EPHA5: variants seen among roughly 807,000 people sequenced by gnomAD.
EPHA5 encodes ephrin type-A receptor 5.
Under a neutral mutation model 105.0 loss-of-function variants are expected in EPHA5, and 60 were observed. That is an observed-to-expected ratio of 0.57 (90% CI 0.46 to 0.71). The LOEUF (loss-of-function observed/expected upper bound fraction) is 0.71. Among genes scored for constraint, EPHA5 ranks in the 30% least tolerant of loss-of-function variants. The pLI, the probability that EPHA5 is intolerant of heterozygous loss-of-function variation, is 0.00. For synonymous variants in EPHA5, 513 were observed against 449.1 expected (o/e 1.14, Z -1.80); for missense variants, 1,218 against 1,274.7 (o/e 0.96, Z 0.68).
chr4:65,417,656 A>G (rs10028151), intron 6 of EPHA5, among the ~76,000 whole-genome samples: 1,736 of 152,170 alleles, frequency 0.011, 29 homozygotes, highest in African/African-American at 0.039. Flanking sequence ...AGATCATATA[A>G]TGGAATATAC....
rs1409621963 is a variant in EPHA5 at position 65,670,225 on chromosome 4, G to T, written c.-483C>A. ...AGGGTGGCTAAGGATAAAGAAAGAG[G>T]ACTTGAGAAAATGTGGAGAATGAAA... On this transcript the variant is annotated 5_prime_UTR_variant, in exon 1 of 17. Coordinates refer to ENST00000613740, the MANE Select transcript of EPHA5 (RefSeq NM_001281766.3). 1 of 235,800 alleles carries T rather than the reference G, an allele frequency of 4.2e-6. No homozygotes were observed. The highest frequency in any genetic ancestry group is 8.3e-6 in the Non-Finnish European group (1 of 120,028). The allele number at this position is 235,800 out of a possible 1,614,324, so 14.6% of individuals were successfully genotyped here. A position where few individuals can be genotyped will look rare whatever the true frequency, so the allele number is the denominator to read the frequency against.
chr4:65,329,404 C>A (rs1660530832), intron 16 of EPHA5, among the ~76,000 whole-genome samples: 1 of 151,276 alleles, frequency 6.6e-6, no homozygotes, highest in Admixed American at 6.6e-5. Flanking sequence ...TGAAGTTAAA[C>A]CTTTGTGATG....
intron 3 of EPHA5, among the ~76,000 whole-genome samples, chr4:65,552,650 T>C (rs1336988768): frequency 1.3e-5 from 2 of 152,150 alleles, no homozygotes; most frequent in African/African-American, 4.8e-5. Flanking sequence ...AAGACATAAA[T>C]ACTTGTGAAT....
At chr4:65,335,143 G>T (rs1249748176) in intron 15 of EPHA5, among the ~76,000 whole-genome samples, 1 of 151,914 alleles carries the variant, frequency 6.6e-6, no homozygotes, top group Non-Finnish European at 1.5e-5. Flanking sequence ...AGCCAATTTA[G>T]TTATTAACAT....
chr4:65,335,952 C>T lies in EPHA5; in HGVS notation c.2769G>A (p.Thr923=), dbSNP rs1235273760. 10 of 1,611,100 alleles carry T rather than the reference C, an allele frequency of 6.2e-6. No homozygotes were observed. The highest frequency in any genetic ancestry group is 4.4e-5 in the South Asian group (4 of 90,794). ...KLIRNPSSLK[T]LVNASCRVSN... ...TGTACCTGCAGGATGCATTAACCAG[C>T]GTCTTCAGACTACTTGGGTTACGTA... Residue 923 remains threonine, a synonymous_variant, in exon 15 of 17, where the codon ACG becomes ACA. Coordinates refer to ENST00000613740, the MANE Select transcript of EPHA5 (RefSeq NM_001281766.3).
intron 2 of EPHA5, among the ~76,000 whole-genome samples, chr4:65,614,713 G>A (rs1469493248): frequency 6.6e-6 from 1 of 151,818 alleles, no homozygotes; most frequent in Non-Finnish European, 1.5e-5. Flanking sequence ...GTGATATAAA[G>A]GCAATAGGGA....
chr4:65,411,311 G>C (rs1175133284), intron 7 of EPHA5, among the ~76,000 whole-genome samples: 1 of 151,864 alleles, frequency 6.6e-6, no homozygotes, highest in Admixed American at 6.6e-5. Flanking sequence ...ACAAGATAAT[G>C]TCAATGAAAA....
intron 6 of EPHA5, among the ~76,000 whole-genome samples, chr4:65,419,902 G>C (rs1723777222): frequency 6.6e-6 from 1 of 152,048 alleles, no homozygotes; most frequent in African/African-American, 2.4e-5. Context: ...AGAGAACAAG[G>C]GGAAATCAAG....
chr4:65,411,180 G>T (rs1722873517), intron 7 of EPHA5, among the ~76,000 whole-genome samples: 1 of 151,884 alleles, frequency 6.6e-6, no homozygotes, highest in South Asian at 2.1e-4. Context: ...CATGGCAGAG[G>T]AAGAATAATT....
At chr4:65,444,868 C>G (rs573682094) in intron 5 of EPHA5, among the ~76,000 whole-genome samples, 2 of 151,970 alleles carry the variant, frequency 1.3e-5, no homozygotes, top group East Asian at 3.9e-4. Context: ...TATCCCTAGT[C>G]TTTTCCTCAT....
At position 65,379,255 on chromosome 4, in the gene EPHA5, T is replaced by C. The variant is rs556268494; in HGVS notation, c.1794-11831A>G. ...TCTTAATTAAAAAATAAGCTTTGTG[T>C]CTTATGAATAAGTATGCACATACAC... is the stretch of plus-strand genomic sequence containing the variant. On this transcript the variant is annotated intron_variant, in intron 8 of 16. Transcript: ENST00000613740. 5.8e-4 allele frequency among the ~76,000 whole-genome samples: 81 copies of C among 140,358 alleles called. No individual in the cohort carries two copies. In the South Asian group the frequency reaches 9.1e-3, roughly 16 times the overall value. 92.1% of individuals were successfully genotyped at this position (140,358 alleles called of 152,430 possible). A position where few individuals can be genotyped will look rare whatever the true frequency, so the allele number is the denominator to read the frequency against.
intron 8 of EPHA5, among the ~76,000 whole-genome samples, chr4:65,386,858 A>G (rs1205774974): frequency 2.6e-5 from 4 of 151,960 alleles, no homozygotes; most frequent in Non-Finnish European, 5.9e-5. Flanking sequence ...GTAATTTAAA[A>G]TAAGAATTAA....
chr4:65,564,164 C>A (rs186852492), intron 3 of EPHA5, among the ~76,000 whole-genome samples: 3 of 151,810 alleles, frequency 2.0e-5, no homozygotes, highest in Non-Finnish European at 2.9e-5. Flanking sequence ...ACAAATAACT[C>A]AAGATAATCA....
intron 8 of EPHA5, among the ~76,000 whole-genome samples, chr4:65,390,678 C>T (rs937994513): frequency 5.7e-4 from 86 of 151,950 alleles, no homozygotes; most frequent in African/African-American, 2.0e-3. Flanking sequence ...TTTAAAACAA[C>T]AGCAAGGAAG....
rs75737562 is a variant in EPHA5 at position 65,325,099 on chromosome 4, A to G, written c.2946-880T>C. Among the ~76,000 whole-genome samples the G allele has an allele frequency of 2.7e-4, 41 of 151,528 alleles. 1 individual carries two copies. In the East Asian group the frequency reaches 8.0e-3, roughly 30 times the overall value. ...GGAAAAAATAAACATGAACAATTCA[A>G]AATCCTAAATGACAAAGATGTTTGC... is the stretch of plus-strand genomic sequence containing the variant. On this transcript the variant is annotated intron_variant, in intron 16 of 16. Coordinates refer to ENST00000613740, the MANE Select transcript of EPHA5 (RefSeq NM_001281766.3).
rs1385652793 is a variant in EPHA5, at chr4:65,320,327, A to T, written c.*3787T>A. 15 of 211,688 alleles carry T rather than the reference A, an allele frequency of 7.1e-5. No homozygotes were observed. The highest frequency in any genetic ancestry group is 1.4e-3 in the Middle Eastern group (1 of 694). The allele number at this position is 211,688 out of a possible 1,614,324, so 13.1% of individuals were successfully genotyped here. A position where few individuals can be genotyped will look rare whatever the true frequency, so the allele number is the denominator to read the frequency against. ...AGCATTTTGATTCCATTTATTCTTC[A>T]TCATCATCATCATCATCATCATCAG... On this transcript the variant is annotated 3_prime_UTR_variant, in exon 17 of 17. Coordinates refer to ENST00000613740, the MANE Select transcript of EPHA5 (RefSeq NM_001281766.3).
chr4:65,636,192 A>C (rs530050891), intron 2 of EPHA5, among the ~76,000 whole-genome samples: 2 of 152,324 alleles, frequency 1.3e-5, no homozygotes, highest in South Asian at 4.1e-4. Flanking sequence ...CTCAATGAGA[A>C]AGTGAAACCT....
chr4:65,480,427 A>G (rs1349951804), intron 5 of EPHA5, among the ~76,000 whole-genome samples: 2 of 152,178 alleles, frequency 1.3e-5, no homozygotes, highest in East Asian at 3.9e-4. Context: ...ATGGCTTCAG[A>G]TATACCAAAC....
At position 65,602,030 on chromosome 4, in the gene EPHA5, A is replaced by G; in HGVS notation, c.521T>C (p.Ile174Thr). ...GCTTTCATCGGCAGCAATGGTATCAATTTTGATGTATTGGTTTTCCTTGAT... is the reference window on the plus strand; with the variant it reads ...GCTTTCATCGGCAGCAATGGTATCAGTTTTGATGTATTGGTTTTCCTTGAT... The part of the protein sequence containing the change: ...RNIKENQYIK[I>T]DTIAADESFT... Residue 174 changes from isoleucine (I) to threonine (T), a missense_variant, in exon 3 of 17, where the codon ATT becomes ACT. This residue lies in a region of EPHA5 where 233 missense variants were observed against 227.5 expected (regional missense o/e 1.02). Transcript: ENST00000613740. 6.2e-7 allele frequency: 1 copy of G among 1,614,116 alleles called. No individual in the cohort carries two copies. The highest frequency in any genetic ancestry group is 8.5e-7 in the Non-Finnish European group (1 of 1,180,008).
Sources: gnomAD v4.1 joint callset for allele counts (sites outside exome capture counted in the v4.1 genomes callset) on GRCh38, gnomAD v4.1.1 for gene constraint, gnomAD v4.1.1 regional missense constraint, MANE v1.5 for transcripts, NCBI Gene and HGNC (gene_info 2026-07-23, HGNC 2026-07-21) for gene names.